The following SLC2A13 variants were observed in gnomAD, a reference collection of about 807,000 sequenced individuals.
The protein encoded by SLC2A13 is solute carrier family 2 member 13, also known as proton myo-inositol cotransporter.
Under a neutral mutation model 64.4 loss-of-function variants are expected in SLC2A13, and 32 were observed. That is an observed-to-expected ratio of 0.50 (90% CI 0.37 to 0.67). SLC2A13 has a LOEUF of 0.67. Ranked by LOEUF, SLC2A13 falls within the 30% of genes least tolerant of loss-of-function variation. SLC2A13 has a pLI of 0.00. For missense variants in SLC2A13, 743 were observed against 829.2 expected, an observed-to-expected ratio of 0.90 and a Z score of 1.28; for synonymous variants, 338 against 327.1, an observed-to-expected ratio of 1.03 and a Z score of -0.36.
chr12:40,027,022 G>A (rs1384671102), intron 3 of SLC2A13, among the ~76,000 whole-genome samples: 1 of 151,608 alleles, frequency 6.6e-6, no homozygotes, highest in East Asian at 1.9e-4. Flanking sequence ...GGAGGTTGCA[G>A]TGAGCCAAGA....
At chr12:39,957,736 T>G (rs1946341425) in intron 3 of SLC2A13, among the ~76,000 whole-genome samples, 2 of 152,322 alleles carry the variant, frequency 1.3e-5, no homozygotes, top group South Asian at 4.1e-4. Context: ...CTCACAACAT[T>G]CACTTTAAGC....
At position 39,979,079 on chromosome 12, in the gene SLC2A13, G is replaced by GCC. The variant is rs1251942944; in HGVS notation, c.926-27715_926-27714insGG. 2.0e-5 allele frequency among the ~76,000 whole-genome samples: 3 copies of GCC among 151,796 alleles called. No homozygotes were observed. In the East Asian group the frequency reaches 5.8e-4, roughly 29 times the overall value. The stretch of plus-strand genomic sequence containing the variant: ...CAGCGGCACACTGACACCTCACATG[G>GCC]CAGGGTATTCCAACAGACCTGCAGC... On this transcript the variant is annotated intron_variant, in intron 3 of 9. Transcript: ENST00000280871.
At chr12:39,808,487 G>C (rs2135799851) in intron 7 of SLC2A13, among the ~76,000 whole-genome samples, 1 of 152,158 alleles carries the variant, frequency 6.6e-6, no homozygotes, top group Middle Eastern at 3.4e-3. Flanking sequence ...GGGTTGTATG[G>C]AAAAGATGTG....
intron 3 of SLC2A13, among the ~76,000 whole-genome samples, chr12:39,957,686 G>A (rs1003719526): frequency 6.6e-6 from 1 of 152,048 alleles, no homozygotes; most frequent in African/African-American, 2.4e-5. Flanking sequence ...TGCTATCAGG[G>A]GAGCCTTTCA....
intron 1 of SLC2A13, among the ~76,000 whole-genome samples, chr12:40,102,171 CTTGT>C (rs1023761369): frequency 3.3e-5 from 5 of 152,156 alleles, no homozygotes; most frequent in Admixed American, 2.6e-4. Context: ...CTTTTAATTG[CTTGT>C]TTATGTATCT....
intron 1 of SLC2A13, among the ~76,000 whole-genome samples, chr12:40,065,581 TCAAA>T (rs72110088): frequency 0.11 from 16,010 of 152,010 alleles, 926 homozygotes; most frequent in East Asian, 0.19. Context: ...TGAGACTGTC[TCAAA>T]CAAACAAACA....
intron 6 of SLC2A13, among the ~76,000 whole-genome samples, chr12:39,842,030 C>A (rs999816953): frequency 6.6e-6 from 1 of 151,988 alleles, no homozygotes; most frequent in African/African-American, 2.4e-5. Context: ...TTTTATTTCC[C>A]TTTTTACAGA....
chr12:39,765,837 T>G (rs558036752), intron 7 of SLC2A13, among the ~76,000 whole-genome samples: 44 of 152,204 alleles, frequency 2.9e-4, no homozygotes, highest in African/African-American at 1.1e-3. Flanking sequence ...CACCTAGGTA[T>G]TAAGCCCCAT....
At chr12:39,858,961 T>TA (rs1377416216) in intron 6 of SLC2A13, among the ~76,000 whole-genome samples, 1 of 152,148 alleles carries the variant, frequency 6.6e-6, no homozygotes, top group Non-Finnish European at 1.5e-5. Context: ...CTGACAGTCT[T>TA]ACAGTGCTCA....
At chr12:39,950,481 A>G (rs957781054) in intron 4 of SLC2A13, 3 of 152,176 alleles carry the variant, frequency 2.0e-5, no homozygotes, top group African/African-American at 7.2e-5. Flanking sequence ...GAATTGAGAG[A>G]GTCCTGTATG....
At chr12:39,957,041 C>A (rs529980128) in intron 3 of SLC2A13, among the ~76,000 whole-genome samples, 1 of 152,258 alleles carries the variant, frequency 6.6e-6, no homozygotes, top group African/African-American at 2.4e-5. Flanking sequence ...CTGAATGCAA[C>A]CAGAGGCGGC....
intron 1 of SLC2A13, among the ~76,000 whole-genome samples, chr12:40,060,495 G>A (rs1948402733): frequency 6.6e-6 from 1 of 152,104 alleles, no homozygotes; most frequent in Admixed American, 6.5e-5. Flanking sequence ...ACACTGGGTT[G>A]TTTTTTTGCT....
rs146061657 is a variant in SLC2A13, at chr12:39,835,408, G to A, written c.1320-5180C>T. ...TTACTCTTACATACTAATTTCAAGG[G>A]CAGAAATTATAGGTATGCTCTACAT... On this transcript the variant is annotated intron_variant, in intron 6 of 9. Coordinates refer to ENST00000280871, the MANE Select transcript of SLC2A13 (RefSeq NM_052885.4). 6.1e-3 allele frequency among the ~76,000 whole-genome samples: 932 copies of A among 152,082 alleles called. 11 individuals carry two copies. Among genetic ancestry groups the A allele is most frequent in the African/African-American group, 0.021 (885 of 41,508 alleles).
At chr12:39,809,670 C>A (rs1942085510) in intron 7 of SLC2A13, among the ~76,000 whole-genome samples, 1 of 152,164 alleles carries the variant, frequency 6.6e-6, no homozygotes, top group South Asian at 2.1e-4. Flanking sequence ...CCCCACCCCA[C>A]AACAGTCTCT....
intron 4 of SLC2A13, among the ~76,000 whole-genome samples, chr12:39,945,915 G>GT (rs939190640): frequency 6.6e-6 from 1 of 151,754 alleles, no homozygotes; most frequent in Admixed American, 6.6e-5. Context: ...TTTTTGTGGG[G>GT]GGGTGTTGAA....
chr12:40,067,843 T>C lies in SLC2A13; in HGVS notation c.557-19633A>G, dbSNP rs370909777. ...AAATCCAATTTTTCTATTTACTTTT[T>C]CTCTTCTTTCTTCTTCACTGTTTAA... On this transcript the variant is annotated intron_variant, in intron 1 of 9. Transcript: ENST00000280871. 1.6e-4 allele frequency among the ~76,000 whole-genome samples: 24 copies of C among 152,320 alleles called. No homozygotes were observed. The South Asian group carries it at 4.8e-3, about 30-fold the overall frequency.
At chr12:40,012,258 T>C (rs1565589547) in intron 3 of SLC2A13, among the ~76,000 whole-genome samples, 1 of 152,224 alleles carries the variant, frequency 6.6e-6, no homozygotes, top group African/African-American at 2.4e-5. Flanking sequence ...TGTGTTTTAT[T>C]GGAAACAACC....
intron 6 of SLC2A13, among the ~76,000 whole-genome samples, chr12:39,845,311 G>GT (rs1244371849): frequency 6.6e-5 from 10 of 151,950 alleles, no homozygotes; most frequent in African/African-American, 2.2e-4. Context: ...TAATGATTCT[G>GT]TATCTGTTAC....
At chr12:39,851,435 T>C (rs542265409) in intron 6 of SLC2A13, among the ~76,000 whole-genome samples, 2 of 152,168 alleles carry the variant, frequency 1.3e-5, no homozygotes, top group South Asian at 2.1e-4. Context: ...ACTTTATATA[T>C]TGATAATTAT....
Sources: allele counts gnomAD v4.1 joint callset (sites outside exome capture counted in the v4.1 genomes callset), GRCh38; gene constraint gnomAD v4.1.1; transcripts MANE v1.5; gene names NCBI Gene and HGNC (gene_info 2026-07-23, HGNC 2026-07-21).